Variants in HNRNPM observed in about 807,000 individuals in gnomAD.
The protein encoded by HNRNPM is CEA receptor.
In HNRNPM, 11 loss-of-function variants were observed where a neutral mutation model predicts 73.1. The ratio of observed to expected loss-of-function variants is 0.15; its 90% CI spans 0.09 to 0.25. HNRNPM has a LOEUF of 0.25. Ranked by LOEUF, HNRNPM falls within the 10% of genes least tolerant of loss-of-function variation. The pLI is 1.00. For missense variants in HNRNPM, 789 were observed against 1,067.9 expected, an observed-to-expected ratio of 0.74 and a Z score of 3.64; for synonymous variants, 407 against 355.2, an observed-to-expected ratio of 1.15 and a Z score of -1.64.
At chr19:8,450,205 C>T (rs887101259) in intron 1 of HNRNPM, among the ~76,000 whole-genome samples, 5 of 152,142 alleles carry the variant, frequency 3.3e-5, no homozygotes, top group East Asian at 3.8e-4. Flanking sequence ...GGTTCTCACA[C>T]GGGCAGAGGG....
At chr19:8,473,158 A>G (rs956033011) in intron 10 of HNRNPM, among the ~76,000 whole-genome samples, 1 of 151,978 alleles carries the variant, frequency 6.6e-6, no homozygotes, top group Non-Finnish European at 1.5e-5. Flanking sequence ...CAAGAGGATC[A>G]CTTGAGCCTG....
chr19:8,488,615 C>T, intron 15 of HNRNPM, 76 bp from the exon 16 acceptor site: 3 of 1,397,104 alleles, frequency 2.1e-6, no homozygotes, highest in South Asian at 1.3e-5. Context: ...TTCAGGGCCT[C>T]TCCTTTTTGA....
At position 8,489,021 on chromosome 19, in the gene HNRNPM, G is replaced by A. The variant is rs1971518477; in HGVS notation, c.*167G>A. On this transcript the variant is annotated 3_prime_UTR_variant, in exon 16 of 16. Transcript: ENST00000325495. Reference sequence around the variant, plus strand: ...TGACTGGGGTTCCATTTGACTGTTTGCATTGAGATTGCAATGTGCGCAATT... The same window carrying A: ...TGACTGGGGTTCCATTTGACTGTTTACATTGAGATTGCAATGTGCGCAATT... 2 of 628,576 alleles carry A rather than the reference G, an allele frequency of 3.2e-6. No individual in the cohort carries two copies. 38.9% of individuals were successfully genotyped at this position (628,576 alleles called of 1,614,324 possible).
At chr19:8,454,318 A>ATCATACAATAC (rs1222383998) in intron 1 of HNRNPM, among the ~76,000 whole-genome samples, 2 of 152,208 alleles carry the variant, frequency 1.3e-5, no homozygotes, top group East Asian at 3.8e-4. Context: ...AATAAGTGGA[A>ATCATACAATAC]TCATACAATA....
At chr19:8,481,852 A>G (rs1970939384) in intron 12 of HNRNPM, among the ~76,000 whole-genome samples, 1 of 152,050 alleles carries the variant, frequency 6.6e-6, no homozygotes, top group South Asian at 2.1e-4. Flanking sequence ...CTGCTGGTAG[A>G]CTGAAGTCTG....
At position 8,486,206 on chromosome 19, in the gene HNRNPM, G is replaced by T. The variant is rs1282051224; in HGVS notation, c.1778G>T (p.Gly593Val). 5 of 1,578,744 alleles carry T rather than the reference G, an allele frequency of 3.2e-6. No homozygotes were observed. The highest frequency in any genetic ancestry group is 4.3e-6 in the Non-Finnish European group (5 of 1,160,422). ...GGTGCCAACAGCCTCGAGCGCATGG[G>T]CCCTGCCATGGGCCCGGCCCTGGGC... ...RMGANSLERM[G>V]PAMGPALGAG... is the part of the protein sequence containing the mutation. The change falls in exon 14 of 16, where the codon GGC becomes GTC. Residue 593 changes from glycine to valine, a missense_variant. Transcript: ENST00000325495.
At position 8,485,965 on chromosome 19, in the gene HNRNPM, T is replaced by C; in HGVS notation, c.1537T>C (p.Ser513Pro). 1.2e-6 allele frequency: 2 copies of C among 1,603,144 alleles called. No individual in the cohort carries two copies. Among genetic ancestry groups the C allele is most frequent in the Non-Finnish European group, 1.7e-6 (2 of 1,178,606 alleles). ...RVGQTIERMG[S>P]GVERMGPAIE... The stretch of plus-strand genomic sequence containing the variant: ...GGGCCAGACCATTGAGCGCATGGGC[T>C]CTGGCGTGGAGCGCATGGGCCCTGC... The change falls in exon 14 of 16, where the codon TCT becomes CCT. Residue 513 changes from serine (S) to proline (P), a missense_variant. Coordinates refer to ENST00000325495, the MANE Select transcript of HNRNPM (RefSeq NM_005968.5).
chr19:8,477,853 C>T (rs7255548), intron 12 of HNRNPM, among the ~76,000 whole-genome samples: 132,651 of 152,152 alleles, frequency 0.87, 59,956 homozygotes, highest in South Asian at 0.99. Context: ...GGATGGGCTT[C>T]TGCACTGGAT....
In HNRNPM at chr19:8,462,191, C is replaced by A; in HGVS notation, c.284-338C>A. On this transcript the variant is annotated intron_variant, in intron 2 of 15. Transcript: ENST00000325495. This position sits in a 1 kb window ranked among gnomAD's most constrained non-coding sequence, Gnocchi z 4.5. Reference sequence around the variant, plus strand: ...AGAGCGTATGTGTAAAACCTCCTCCCTTCCCCAGAAAAGTAAATCACGCAG... The same window carrying A: ...AGAGCGTATGTGTAAAACCTCCTCCATTCCCCAGAAAAGTAAATCACGCAG... The A allele has an allele frequency of 3.7e-6, 1 of 268,884 alleles. No individual in the cohort carries two copies. 16.7% of individuals were successfully genotyped at this position (268,884 alleles called of 1,614,324 possible).
At chr19:8,453,557 A>G (rs1483810951) in intron 1 of HNRNPM, among the ~76,000 whole-genome samples, 1 of 152,194 alleles carries the variant, frequency 6.6e-6, no homozygotes, top group Non-Finnish European at 1.5e-5. Flanking sequence ...ATACTTTTAT[A>G]AATCATTAAT....
chr19:8,477,857 A>G (rs1449262245), intron 12 of HNRNPM, among the ~76,000 whole-genome samples: 1 of 152,132 alleles, frequency 6.6e-6, no homozygotes, highest in African/African-American at 2.4e-5. Flanking sequence ...GGGCTTCTGC[A>G]CTGGATTTGA....
chr19:8,445,620 C>G (rs1306331320), intron 1 of HNRNPM: 1 of 152,426 alleles, frequency 6.6e-6, no homozygotes, highest in Non-Finnish European at 1.5e-5. Flanking sequence ...CAGGAAGGGC[C>G]GCGAAGCCGG....
At chr19:8,470,766 G>T (rs995673415) in intron 9 of HNRNPM, among the ~76,000 whole-genome samples, 2 of 152,210 alleles carry the variant, frequency 1.3e-5, no homozygotes, top group Admixed American at 1.3e-4. Flanking sequence ...TGTTGGTAGG[G>T]CATGGAGTTG....
chr19:8,484,302 A>T (rs1231032991), intron 13 of HNRNPM, among the ~76,000 whole-genome samples: 1 of 151,020 alleles, frequency 6.6e-6, no homozygotes, highest in Non-Finnish European at 1.5e-5. Context: ...TCAGCCTCCC[A>T]AGTAGCTGGG....
intron 2 of HNRNPM, among the ~76,000 whole-genome samples, chr19:8,456,363 C>A (rs773621649): frequency 6.6e-6 from 1 of 152,196 alleles, no homozygotes; most frequent in African/African-American, 2.4e-5. Context: ...TCCTTTCTTT[C>A]CTGATTCTTG....
Position 8,487,203 on chromosome 19 carries a change from C to G in HNRNPM, c.2029+128C>G. On this transcript the variant is annotated intron_variant, in intron 15 of 15. Coordinates refer to ENST00000325495, the MANE Select transcript of HNRNPM (RefSeq NM_005968.5). ...GACCCATGGCCTTGCCATGTTCTGC[C>G]CACGCCAATGCTCAGGCAGGTTGTT... 3.8e-6 allele frequency: 3 copies of G among 790,618 alleles called. No individual in the cohort carries two copies. In the South Asian group the frequency reaches 4.1e-5, roughly 11 times the overall value. 49.0% of individuals were successfully genotyped at this position (790,618 alleles called of 1,614,324 possible).
intron 7 of HNRNPM, 60 bp from the exon 8 acceptor site, chr19:8,467,475 T>C (rs1969834642): frequency 3.1e-6 from 4 of 1,290,904 alleles, no homozygotes; most frequent in Non-Finnish European, 4.5e-6. Context: ...TTCTTTCTTT[T>C]TGTATTTCTC....
In HNRNPM at chr19:8,470,492, AT is replaced by A. The variant is rs75399922; in HGVS notation, c.896-819del. 2.2e-4 allele frequency among the ~76,000 whole-genome samples: 33 copies of A among 149,792 alleles called. 1 individual carries two copies. Among genetic ancestry groups the A allele is most frequent in the African/African-American group, 3.0e-4 (12 of 39,618 alleles). Reference sequence around the variant, plus strand: ...AGGCATGTGCCACCATGCCAGGCTAATTTTTTTTTTTTTTTAGTAGAGATGG... The same window carrying A: ...AGGCATGTGCCACCATGCCAGGCTAATTTTTTTTTTTTTTAGTAGAGATGG... On this transcript the variant is annotated intron_variant, in intron 9 of 15. Transcript: ENST00000325495.
At chr19:8,456,385 G>C (rs1023252895) in intron 2 of HNRNPM, among the ~76,000 whole-genome samples, 2 of 152,184 alleles carry the variant, frequency 1.3e-5, no homozygotes, top group Admixed American at 1.3e-4. Context: ...CCCTGCTGGT[G>C]GCACTTAGGA....
Sources: gnomAD v4.1 joint callset for allele counts (sites outside exome capture counted in the v4.1 genomes callset) on GRCh38, gnomAD v4.1.1 for gene constraint, Gnocchi (gnomAD v3.1) non-coding constraint, MANE v1.5 for transcripts, NCBI Gene and HGNC (gene_info 2026-07-23, HGNC 2026-07-21) for gene names.